Variants in COL28A1 observed in about 807,000 individuals in gnomAD.
COL28A1 encodes the protein collagen alpha-1(XXVIII) chain.
Under a neutral mutation model 150.2 loss-of-function variants are expected in COL28A1, and 161 were observed. That is an observed-to-expected ratio of 1.07 (90% CI 0.94 to 1.22). The LOEUF is 1.22. Ranked by LOEUF, COL28A1 falls within the 50% of genes most tolerant of loss-of-function variation. The pLI is 0.00. For missense variants in COL28A1, 1,617 were observed against 1,388.3 expected (o/e 1.16, Z -2.62); for synonymous variants, 552 against 469.7 (o/e 1.18, Z -2.26).
At chr7:7,453,956 G>A (rs988884301) in intron 16 of COL28A1, among the ~76,000 whole-genome samples, 5 of 152,264 alleles carry the variant, frequency 3.3e-5, no homozygotes, top group African/African-American at 4.8e-5. Flanking sequence ...TATCAAGACC[G>A]ATTAATAGAG....
chr7:7,489,828 C>T (rs768632772), intron 12 of COL28A1, among the ~76,000 whole-genome samples: 2 of 152,092 alleles, frequency 1.3e-5, no homozygotes, highest in Non-Finnish European at 1.5e-5. Flanking sequence ...TTCCTTGTCC[C>T]CACTCTATCC....
At chr7:7,458,535 G>A (rs1321635815) in intron 15 of COL28A1, among the ~76,000 whole-genome samples, 3 of 152,126 alleles carry the variant, frequency 2.0e-5, no homozygotes, top group Non-Finnish European at 2.9e-5. Flanking sequence ...ACTAGGAGAT[G>A]CCCTGGAATA....
chr7:7,511,090 C>A lies in COL28A1; in HGVS notation c.927+1G>T. ...AAGCAGTTTAAAAACATGTTCCTTA[C>A]CTTGTCACCTTTTATCCCTGGTTTA... On this transcript the variant is annotated splice_donor_variant, in intron 9 of 34. Transcript: ENST00000399429. LOFTEE classifies it high-confidence loss of function. The A allele has an allele frequency of 6.2e-7, 1 of 1,612,930 alleles. No individual in the cohort carries two copies.
chr7:7,363,850 G>A (rs558810394), intron 33 of COL28A1, among the ~76,000 whole-genome samples: 25 of 151,874 alleles, frequency 1.6e-4, no homozygotes, highest in South Asian at 2.1e-4. Flanking sequence ...GCACGATCTC[G>A]GCTCACTGCA....
Position 7,419,941 on chromosome 7 carries a change from C to T in COL28A1, c.2011G>A (p.Val671Ile), listed in dbSNP as rs1227089922. 1.9e-6 allele frequency: 3 copies of T among 1,591,748 alleles called. No individual in the cohort carries two copies. Among genetic ancestry groups the T allele is most frequent in the South Asian group, 2.3e-5 (2 of 86,708 alleles). ...GDTGAKGEPG[V>I]RGPPGPSGPR... ...CCAGAAGGACCTGGAGGGCCTCTGACCCCAGGCTCTCCCTGAAAAGACACA... is the reference window on the plus strand; with the variant it reads ...CCAGAAGGACCTGGAGGGCCTCTGATCCCAGGCTCTCCCTGAAAAGACACA... Residue 671 changes from valine (V) to isoleucine (I), a missense_variant, in exon 26 of 35, where the codon GTC (valine) becomes ATC (isoleucine). By Grantham distance (29) the Val-to-Ile change is conservative. Transcript: ENST00000399429.
At chr7:7,420,228 T>C (rs1418835141) in intron 25 of COL28A1, 1 of 239,654 alleles carries the variant, frequency 4.2e-6, no homozygotes, top group Non-Finnish European at 7.9e-6. Context: ...ACGAGTATTG[T>C]GAATAGAGGA....
downstream of COL28A1, among the ~76,000 whole-genome samples, chr7:7,354,713 C>A (rs769127407): frequency 6.6e-6 from 1 of 152,164 alleles, no homozygotes; most frequent in South Asian, 2.1e-4. Context: ...TGGGACACTT[C>A]CATAACTTCT....
intron 13 of COL28A1, among the ~76,000 whole-genome samples, chr7:7,483,423 T>C (rs1779458220): frequency 6.6e-6 from 1 of 152,198 alleles, no homozygotes; most frequent in South Asian, 2.1e-4. Context: ...ACAAGAATCT[T>C]GTCTGCTTGG....
chr7:7,380,949 T>G, intron 28 of COL28A1, 87 bp from the exon 29 acceptor site: 1 of 1,130,688 alleles, frequency 8.8e-7, no homozygotes, highest in Non-Finnish European at 1.3e-6. Context: ...TATCTGCAAC[T>G]GGCATCTCTT....
At chr7:7,420,530 A>G (rs1002317857) in intron 25 of COL28A1, among the ~76,000 whole-genome samples, 10 of 152,256 alleles carry the variant, frequency 6.6e-5, no homozygotes, top group African/African-American at 2.2e-4. Flanking sequence ...GAAGGAGAGA[A>G]ATAAAAATTG....
At chr7:7,509,424 G>A (rs549020171) in intron 9 of COL28A1, among the ~76,000 whole-genome samples, 14 of 152,138 alleles carry the variant, frequency 9.2e-5, no homozygotes, top group African/African-American at 3.4e-4. Context: ...TACTGTATTC[G>A]GATATTTTTC....
upstream of COL28A1, among the ~76,000 whole-genome samples, chr7:7,536,664 C>G (rs904356339): frequency 2.0e-5 from 3 of 152,150 alleles, no homozygotes; most frequent in Admixed American, 6.5e-5. Context: ...CACGGACTTC[C>G]TCTGAAATAG....
At chr7:7,439,464 TTTAC>T (rs1217229270) in intron 21 of COL28A1, among the ~76,000 whole-genome samples, 2 of 152,160 alleles carry the variant, frequency 1.3e-5, no homozygotes, top group African/African-American at 4.8e-5. Flanking sequence ...TAGATTTAAT[TTTAC>T]TTCTTTTTTC....
At chr7:7,424,944 T>C (rs1299898164) in intron 25 of COL28A1, among the ~76,000 whole-genome samples, 1 of 152,124 alleles carries the variant, frequency 6.6e-6, no homozygotes, top group African/African-American at 2.4e-5. Context: ...CACATCATCT[T>C]ATGATGGTTC....
downstream of COL28A1, chr7:7,356,077 G>A (rs563747338): frequency 3.3e-5 from 5 of 151,994 alleles, no homozygotes; most frequent in Admixed American, 3.3e-4. Flanking sequence ...GTTTTTTAAA[G>A]CTCAAAAAAG....
At position 7,373,363 on chromosome 7, in the gene COL28A1, T is replaced by A; in HGVS notation, c.2543A>T (p.Lys848Met). ...GGAGAACTGCTTCAAATTAGCCACCTTCTCCACCTTATGGCTATAGTTGAT... is the reference window on the plus strand; with the variant it reads ...GGAGAACTGCTTCAAATTAGCCACCATCTCCACCTTATGGCTATAGTTGAT... ...GIINYSHKVE[K>M]VANLKQFSSK... The change falls in exon 32 of 35, where the codon AAG (lysine) becomes ATG (methionine). Residue 848 changes from lysine to methionine, a missense_variant. Transcript: ENST00000399429. This position sits in a 1 kb window ranked among gnomAD's most constrained non-coding sequence, Gnocchi z 4.1. 6.2e-7 allele frequency: 1 copy of A among 1,614,228 alleles called. No homozygotes were observed. Among genetic ancestry groups the A allele is most frequent in the South Asian group, 1.1e-5 (1 of 91,084 alleles).
At chr7:7,488,745 A>AT (rs1185823039) in intron 13 of COL28A1, among the ~76,000 whole-genome samples, 37 of 152,140 alleles carry the variant, frequency 2.4e-4, no homozygotes, top group African/African-American at 8.7e-4. Flanking sequence ...ATTCTCAGTG[A>AT]TTTTTCTCAT....
intron 26 of COL28A1, among the ~76,000 whole-genome samples, chr7:7,418,644 G>A (rs907093226): frequency 1.3e-5 from 2 of 152,032 alleles, no homozygotes; most frequent in African/African-American, 4.8e-5. Flanking sequence ...GCCTTCAGAA[G>A]TGCTGGGTTA....
intron 3 of COL28A1, among the ~76,000 whole-genome samples, chr7:7,529,084 C>G (rs1327331847): frequency 1.3e-5 from 2 of 151,868 alleles, no homozygotes; most frequent in Non-Finnish European, 2.9e-5. Flanking sequence ...GGCAGATCAC[C>G]TGAGGTCAGG....
Sources: gnomAD v4.1 joint callset for allele counts (sites outside exome capture counted in the v4.1 genomes callset) on GRCh38, gnomAD v4.1.1 for gene constraint, Gnocchi (gnomAD v3.1) non-coding constraint, MANE v1.5 for transcripts, NCBI Gene and HGNC (gene_info 2026-07-23, HGNC 2026-07-21) for gene names.